Variants in GRM8 observed in about 807,000 individuals in gnomAD.
GRM8 encodes the protein metabotropic glutamate receptor 8.
In GRM8, 47 loss-of-function variants were observed where a neutral mutation model predicts 87.2. The observed-to-expected ratio is 0.54, with a 90% CI of 0.43 to 0.69. The LOEUF is 0.69. Ranked by LOEUF, GRM8 falls within the 30% of genes least tolerant of loss-of-function variation. The probability of loss-of-function intolerance (pLI) is 0.00; values close to 1 mark genes in which losing one functional copy is unlikely to be tolerated. For missense variants in GRM8, 1,019 were observed against 1,139.2 expected (o/e 0.89, Z 1.52); for synonymous variants, 396 against 404.5 (o/e 0.98, Z 0.25).
intron 7 of GRM8, among the ~76,000 whole-genome samples, chr7:126,637,659 CATTAGCCTGTTGT>C (rs1431089673): frequency 6.6e-6 from 1 of 152,120 alleles, no homozygotes; most frequent in African/African-American, 2.4e-5. Context: ...AGAAAAGAAG[CATTAGCCTGTTGT>C]GTAGGCCAAA....
At chr7:127,011,217 G>A (rs1455070345) in intron 3 of GRM8, among the ~76,000 whole-genome samples, 3 of 151,988 alleles carry the variant, frequency 2.0e-5, no homozygotes, top group African/African-American at 4.8e-5. Flanking sequence ...TTACGAAATT[G>A]GACACCCTTG....
intron 2 of GRM8, among the ~76,000 whole-genome samples, chr7:127,120,178 T>C (rs769595280): frequency 6.6e-6 from 1 of 152,228 alleles, no homozygotes; most frequent in Non-Finnish European, 1.5e-5. Flanking sequence ...TTTCCAACTA[T>C]GCAGCTATCA....
At chr7:127,095,067 T>C (rs185791176) in intron 3 of GRM8, among the ~76,000 whole-genome samples, 12 of 152,296 alleles carry the variant, frequency 7.9e-5, no homozygotes, top group East Asian at 5.8e-4. Context: ...GAGGAGACCC[T>C]TCAACCCAGT....
chr7:126,879,523 AT>A lies in GRM8; in HGVS notation c.1156+23018del, dbSNP rs767394979. Reference sequence around the variant, plus strand: ...AAGCCATTTAAAACACATTTGGGAAATGTTTGAAAAAATTAATTCTATTACC... The same window carrying A: ...AAGCCATTTAAAACACATTTGGGAAAGTTTGAAAAAATTAATTCTATTACC... On this transcript the variant is annotated intron_variant, in intron 6 of 10. Coordinates refer to ENST00000339582, the MANE Select transcript of GRM8 (RefSeq NM_000845.3). Among the ~76,000 whole-genome samples, 9 of 152,146 alleles carry A rather than the reference AT, an allele frequency of 5.9e-5. 1 individual carries two copies. The highest frequency in any genetic ancestry group is 1.3e-4 in the Non-Finnish European group (9 of 68,028).
At chr7:126,524,172 A>G (rs150497383) in intron 9 of GRM8, among the ~76,000 whole-genome samples, 42 of 152,296 alleles carry the variant, frequency 2.8e-4, no homozygotes, top group African/African-American at 8.4e-4. Context: ...CGAGTTAAAC[A>G]AAAAGTTAAA....
chr7:126,912,813 G>A (rs145662564), intron 3 of GRM8, among the ~76,000 whole-genome samples: 149 of 152,254 alleles, frequency 9.8e-4, no homozygotes, highest in Middle Eastern at 3.4e-3. Flanking sequence ...TGAAACAACC[G>A]TAGACTATTG....
intron 7 of GRM8, among the ~76,000 whole-genome samples, chr7:126,669,884 G>A (rs990872648): frequency 2.6e-5 from 4 of 152,196 alleles, no homozygotes; most frequent in African/African-American, 9.7e-5. Context: ...AATTAGATAA[G>A]AGAAAGCCGA....
intron 2 of GRM8, among the ~76,000 whole-genome samples, chr7:127,113,026 G>A (rs1038102075): frequency 1.3e-5 from 2 of 152,084 alleles, no homozygotes; most frequent in Non-Finnish European, 2.9e-5. Context: ...GTCTCTCCAT[G>A]TTGCCTTCAC....
At chr7:126,984,946 T>C (rs1247357482) in intron 3 of GRM8, among the ~76,000 whole-genome samples, 1 of 152,114 alleles carries the variant, frequency 6.6e-6, no homozygotes, top group Non-Finnish European at 1.5e-5. Context: ...GATATATACC[T>C]GCATATGCCT....
intron 8 of GRM8, among the ~76,000 whole-genome samples, chr7:126,574,084 C>T (rs1287888028): frequency 6.6e-6 from 1 of 152,140 alleles, no homozygotes; most frequent in Non-Finnish European, 1.5e-5. Context: ...AAAATAAAAA[C>T]TTCAAAAGAA....
chr7:127,040,581 C>A (rs1469439241), intron 3 of GRM8, among the ~76,000 whole-genome samples: 2 of 143,188 alleles, frequency 1.4e-5, no homozygotes, highest in Non-Finnish European at 3.0e-5. Context: ...AACTGTCCTG[C>A]AAGTTACTTC....
At chr7:126,527,292 A>T (rs1814006326) in intron 9 of GRM8, among the ~76,000 whole-genome samples, 1 of 152,200 alleles carries the variant, frequency 6.6e-6, no homozygotes, top group South Asian at 2.1e-4. Flanking sequence ...TGGGAGGCAG[A>T]TGTTGCAGTG....
chr7:126,879,877 T>C (rs1165620525), intron 6 of GRM8, among the ~76,000 whole-genome samples: 2 of 152,162 alleles, frequency 1.3e-5, no homozygotes, highest in Admixed American at 6.5e-5. Flanking sequence ...GGGTGAGAGA[T>C]AGGAGGATTA....
intron 8 of GRM8, among the ~76,000 whole-genome samples, chr7:126,542,184 C>T (rs535526092): frequency 6.6e-6 from 1 of 152,120 alleles, no homozygotes; most frequent in East Asian, 1.9e-4. Flanking sequence ...TTTAAGCCAC[C>T]CAGTCTGTGG....
intron 7 of GRM8, among the ~76,000 whole-genome samples, chr7:126,710,210 C>A (rs1038456043): frequency 1.3e-5 from 2 of 152,148 alleles, no homozygotes; most frequent in African/African-American, 4.8e-5. Flanking sequence ...GAGGGTCTTG[C>A]CTCAATGTTG....
At chr7:127,096,778 C>A (rs1465327266) in intron 3 of GRM8, among the ~76,000 whole-genome samples, 1 of 152,162 alleles carries the variant, frequency 6.6e-6, no homozygotes, top group Non-Finnish European at 1.5e-5. Flanking sequence ...TAACCACTCC[C>A]CAGTGCTGCC....
At chr7:126,515,916 G>A (rs973898269) in intron 9 of GRM8, among the ~76,000 whole-genome samples, 5 of 151,924 alleles carry the variant, frequency 3.3e-5, no homozygotes, top group Non-Finnish European at 5.9e-5. Context: ...TCACATCTTT[G>A]GGAGGCCCTT....
At chr7:126,755,522 AGTT>A (rs1426951859) in intron 7 of GRM8, among the ~76,000 whole-genome samples, 2 of 151,978 alleles carry the variant, frequency 1.3e-5, no homozygotes, top group African/African-American at 4.8e-5. Flanking sequence ...AGAACACTGC[AGTT>A]TTCTCAAATG....
intron 6 of GRM8, among the ~76,000 whole-genome samples, chr7:126,852,153 C>G (rs896494306): frequency 6.6e-6 from 1 of 152,076 alleles, no homozygotes; most frequent in African/African-American, 2.4e-5. Flanking sequence ...TATGCTCAAG[C>G]CAATGGCACT....
Sources: allele counts gnomAD v4.1 joint callset (sites outside exome capture counted in the v4.1 genomes callset), GRCh38; gene constraint gnomAD v4.1.1; transcripts MANE v1.5; gene names NCBI Gene and HGNC (gene_info 2026-07-23, HGNC 2026-07-21).